The following MIB1 variants were observed in gnomAD, a reference collection of about 807,000 sequenced individuals.
MIB1 encodes the protein MIB E3 ubiquitin protein ligase 1, also known as E3 ubiquitin-protein ligase MIB1.
MIB1 carries 278 observed loss-of-function variants against 124.5 expected under a neutral mutation model. The observed-to-expected ratio is 2.23, with a 90% confidence interval of 2.02 to 2.47. The LOEUF is 2.47. Among genes scored for constraint, MIB1 ranks in the 30% most tolerant of loss-of-function variants. The pLI is 0.00. For synonymous variants in MIB1, 446 were observed against 429.4 expected, an observed-to-expected ratio of 1.04 and a Z score of -0.48; for missense variants, 957 against 1,254.4, an observed-to-expected ratio of 0.76 and a Z score of 3.58.
chr18:21,868,985 C>G lies in MIB1; in HGVS notation c.*4319C>G, dbSNP rs1344259281. On this transcript the variant is annotated 3_prime_UTR_variant, in exon 21 of 21. Coordinates refer to ENST00000261537, the MANE Select transcript of MIB1 (RefSeq NM_020774.4). Reference sequence around the variant, plus strand: ...TTGCTACATTGGCATTTTCTACCTCCTTTTCTGTCAGAGTATTACTTTTTC... The same window carrying G: ...TTGCTACATTGGCATTTTCTACCTCGTTTTCTGTCAGAGTATTACTTTTTC... 1 of 152,376 alleles carries G rather than the reference C, an allele frequency of 6.6e-6. No homozygotes were observed. Among genetic ancestry groups the G allele is most frequent in the Non-Finnish European group, 1.5e-5 (1 of 67,884 alleles). 9.4% of individuals were successfully genotyped at this position (152,376 alleles called of 1,614,324 possible).
chr18:21,864,519 AT>A lies in MIB1; in HGVS notation c.2881-5del. The A allele has an allele frequency of 6.2e-7, 1 of 1,606,500 alleles. No homozygotes were observed. Among genetic ancestry groups the A allele is most frequent in the Non-Finnish European group, 8.5e-7 (1 of 1,174,068 alleles). On this transcript the variant is annotated splice_region_variant and splice_polypyrimidine_tract_variant and intron_variant, in intron 20 of 20. Transcript: ENST00000261537. ...CTAATTTATTACTTTGTTATCTCAC[AT>A]TACAGACAATGTGCCCTGTGTGTCT...
chr18:21,813,870 A>G (rs894440452), intron 10 of MIB1, among the ~76,000 whole-genome samples: 7 of 152,086 alleles, frequency 4.6e-5, no homozygotes, highest in Admixed American at 3.3e-4. Context: ...AGGAAGTCTT[A>G]GAGTACCAGG....
upstream of MIB1, among the ~76,000 whole-genome samples, chr18:21,738,686 G>A (rs1211557599): frequency 1.3e-5 from 2 of 150,886 alleles, no homozygotes; most frequent in Non-Finnish European, 3.0e-5. Context: ...AGGCACCTGT[G>A]GTCCCAGGTA....
At chr18:21,837,003 A>T (rs1199161447) in intron 12 of MIB1, among the ~76,000 whole-genome samples, 3 of 152,232 alleles carry the variant, frequency 2.0e-5, no homozygotes, top group Non-Finnish European at 2.9e-5. Context: ...GTCTTCTATG[A>T]AGCCCATGAA....
chr18:21,797,827 G>GT (rs2041601457), intron 7 of MIB1, among the ~76,000 whole-genome samples: 1 of 152,102 alleles, frequency 6.6e-6, no homozygotes, highest in African/African-American at 2.4e-5. Flanking sequence ...CAAAATAGAT[G>GT]TTTATGAACT....
intron 1 of MIB1, among the ~76,000 whole-genome samples, chr18:21,749,718 A>G (rs1287280290): frequency 7.2e-6 from 1 of 139,426 alleles, no homozygotes; most frequent in African/African-American, 2.9e-5. Flanking sequence ...TTGGCTCATC[A>G]AAACCTCTGC....
chr18:21,716,477 G>A (rs377750026), intron 1 of MIB1, among the ~76,000 whole-genome samples: 7 of 152,166 alleles, frequency 4.6e-5, no homozygotes, highest in Non-Finnish European at 7.4e-5. Context: ...AAAAGCAAAC[G>A]TACACAGGCA....
chr18:21,736,356 G>A (rs370496475), upstream of MIB1, among the ~76,000 whole-genome samples: 3 of 152,130 alleles, frequency 2.0e-5, no homozygotes, highest in East Asian at 3.9e-4. Flanking sequence ...GACGTCATCC[G>A]AAGGTCACCA....
At chr18:21,738,493 A>G (rs2040805356), upstream of MIB1, among the ~76,000 whole-genome samples, 2 of 152,170 alleles carry the variant, frequency 1.3e-5, no homozygotes, top group African/African-American at 4.8e-5. Flanking sequence ...TCTAAAATCA[A>G]CATTCTAGCA....
At chr18:21,791,163 CAG>C (rs2041497957) in intron 6 of MIB1, among the ~76,000 whole-genome samples, 1 of 146,608 alleles carries the variant, frequency 6.8e-6, no homozygotes. Flanking sequence ...GCCTGGGTGA[CAG>C]AGCAAGACTC....
chr18:21,719,806 C>G (rs1258787379), intron 1 of MIB1, among the ~76,000 whole-genome samples: 5 of 151,954 alleles, frequency 3.3e-5, no homozygotes, highest in African/African-American at 9.7e-5. Context: ...AAAAACAGAC[C>G]CTTTAATATA....
chr18:21,726,086 G>A (rs549878970), intron 1 of MIB1, among the ~76,000 whole-genome samples: 94 of 152,226 alleles, frequency 6.2e-4, no homozygotes, highest in Non-Finnish European at 9.9e-4. Context: ...AGTTGAAAAA[G>A]AATGGAAAAG....
chr18:21,780,615 G>A (rs3017037), intron 6 of MIB1, among the ~76,000 whole-genome samples: 69,390 of 152,026 alleles, frequency 0.46, 19,000 homozygotes, highest in African/African-American at 0.77. Flanking sequence ...TGTACCTCCT[G>A]TTCTATTCTA....
chr18:21,708,126 G>A (rs1381184162), intron 1 of MIB1, among the ~76,000 whole-genome samples: 2 of 152,206 alleles, frequency 1.3e-5, no homozygotes, highest in Non-Finnish European at 2.9e-5. Flanking sequence ...TCCAACATGT[G>A]AAGGTGGAGG....
At chr18:21,801,883 G>A (rs1020087295) in intron 9 of MIB1, among the ~76,000 whole-genome samples, 1 of 152,108 alleles carries the variant, frequency 6.6e-6, no homozygotes, top group Non-Finnish European at 1.5e-5. Flanking sequence ...TCACCCATCA[G>A]CTTGAGGGTT....
At position 21,715,078 on chromosome 18, in the gene MIB1, C is replaced by A. The variant is rs114050257; in HGVS notation, n.167+9955C>A. On this transcript the variant is annotated intron_variant and non_coding_transcript_variant, in intron 1 of 20. Transcript: ENST00000578646. ...GGAATAAATCAGAAAGTTGAGAGAA[C>A]CCATGAACCCTCTGGAGAAAGTGGA... is the stretch of plus-strand genomic sequence containing the variant. Among the ~76,000 whole-genome samples, 222 of 152,282 alleles carry A rather than the reference C, an allele frequency of 1.5e-3. 3 individuals are homozygous for A. The highest frequency in any genetic ancestry group is 5.1e-3 in the African/African-American group (212 of 41,550).
At position 21,849,111 on chromosome 18, in the gene MIB1, A is replaced by G; in HGVS notation, c.2394-85A>G. 4.7e-6 allele frequency: 4 copies of G among 851,862 alleles called. No homozygotes were observed. In the South Asian group the frequency reaches 6.5e-5, roughly 14 times the overall value. The allele number at this position is 851,862 out of a possible 1,614,324, so 52.8% of individuals were successfully genotyped here. A position where few individuals can be genotyped will look rare whatever the true frequency, so the allele number is the denominator to read the frequency against. On this transcript the variant is annotated intron_variant, in intron 16 of 20. Coordinates refer to ENST00000261537, the MANE Select transcript of MIB1 (RefSeq NM_020774.4). ...ATATGACTAGTTTTTATGTATACTA[A>G]TGATGCTCCAGGTATATTTTAAAAC...
intron 13 of MIB1, among the ~76,000 whole-genome samples, chr18:21,840,091 A>G (rs575418811): frequency 6.6e-5 from 10 of 152,270 alleles, no homozygotes; most frequent in Admixed American, 2.0e-4. Flanking sequence ...TTACATTTCA[A>G]TTTCCATTTG....
chr18:21,792,932 T>C (rs1936475419), intron 7 of MIB1, among the ~76,000 whole-genome samples: 1 of 152,184 alleles, frequency 6.6e-6, no homozygotes, highest in Admixed American at 6.5e-5. Context: ...TTGATAAAAA[T>C]AGACAATTAG....
Sources: allele counts gnomAD v4.1 joint callset (sites outside exome capture counted in the v4.1 genomes callset), GRCh38; gene constraint gnomAD v4.1.1; transcripts MANE v1.5; gene names NCBI Gene and HGNC (gene_info 2026-07-23, HGNC 2026-07-21).